Variants in CFAP46 observed in about 807,000 individuals in gnomAD.
The protein encoded by CFAP46 is cilia and flagella associated protein 46.
Under a neutral mutation model 325.7 loss-of-function variants are expected in CFAP46, and 245 were observed. The ratio of observed to expected loss-of-function variants is 0.75; its 90% CI spans 0.68 to 0.84. CFAP46 has a LOEUF of 0.84. Ranked by LOEUF, CFAP46 falls within the 40% of genes least tolerant of loss-of-function variation. The probability of loss-of-function intolerance (pLI) is 0.00; values close to 1 mark genes in which losing one functional copy is unlikely to be tolerated. For synonymous variants in CFAP46, 1,523 were observed against 1,495.9 expected, an observed-to-expected ratio of 1.02 and a Z score of -0.42; for missense variants, 3,346 against 3,543.0, an observed-to-expected ratio of 0.94 and a Z score of 1.41.
At chr10:132,899,198 G>T (rs1849359823) in intron 23 of CFAP46, 77 bp from the exon 24 acceptor site, 1 of 1,469,202 alleles carries the variant, frequency 6.8e-7, no homozygotes, top group Non-Finnish European at 9.1e-7. Flanking sequence ...GGACAGGAAG[G>T]TCGGGCGCCC....
At chr10:132,868,946 C>T (rs1291470220) in intron 33 of CFAP46, among the ~76,000 whole-genome samples, 1 of 152,212 alleles carries the variant, frequency 6.6e-6, no homozygotes, top group Non-Finnish European at 1.5e-5. Flanking sequence ...AGTGGCCTGA[C>T]CGAGCACTGC....
chr10:132,835,486 G>A (rs1848225718), intron 46 of CFAP46, 52 bp from the exon 47 acceptor site: 10 of 1,607,346 alleles, frequency 6.2e-6, no homozygotes, highest in Non-Finnish European at 8.5e-6. Context: ...GAGGATGGCA[G>A]CTGGACCGTG....
At chr10:132,932,655 C>A (rs931919455) in intron 8 of CFAP46, among the ~76,000 whole-genome samples, 1 of 130,584 alleles carries the variant, frequency 7.7e-6, no homozygotes, top group Non-Finnish European at 1.7e-5. Flanking sequence ...CCTGGGCCTT[C>A]CTACCATGCG....
intron 35 of CFAP46, among the ~76,000 whole-genome samples, chr10:132,863,762 T>G (rs1187090529): frequency 9.7e-6 from 1 of 103,262 alleles, no homozygotes. Flanking sequence ...ACACCTGTTC[T>G]CAGTGCCTGA....
chr10:132,925,727 G>C (rs549416446), intron 10 of CFAP46, among the ~76,000 whole-genome samples: 1 of 152,258 alleles, frequency 6.6e-6, no homozygotes, highest in African/African-American at 2.4e-5. Context: ...AGTCCACAGC[G>C]GCATCGGCAC....
intron 26 of CFAP46, 116 bp downstream of exon 26, chr10:132,885,700 ACCCCC>A: frequency 1.3e-6 from 1 of 768,936 alleles, no homozygotes; most frequent in Admixed American, 5.0e-5. Flanking sequence ...GGGGGAGCAC[ACCCCC>A]GGTGGGGATG....
rs151335446 is a variant in CFAP46, at chr10:132,872,281, T to G, written c.4511+395A>C. Among the ~76,000 whole-genome samples the G allele has an allele frequency of 2.6e-3, 397 of 152,324 alleles. 7 individuals are homozygous for G. In the South Asian group the frequency reaches 0.061, roughly 23 times the overall value. On this transcript the variant is annotated intron_variant, in intron 32 of 57. Transcript: ENST00000368586. ...ATCTTTTAAATTTTTAGTAACAGCA[T>G]CATGCTCTGTTGCCCAGGCTAGAGT...
At chr10:132,849,167 A>G (rs1446036991) in intron 41 of CFAP46, among the ~76,000 whole-genome samples, 1 of 152,218 alleles carries the variant, frequency 6.6e-6, no homozygotes, top group Non-Finnish European at 1.5e-5. Context: ...CACCATCAGC[A>G]GCATTCATGG....
At chr10:132,898,810 CT>C in intron 24 of CFAP46, 148 bp downstream of exon 24, 1 of 1,130,494 alleles carries the variant, frequency 8.8e-7, no homozygotes, top group Non-Finnish European at 1.3e-6. Flanking sequence ...GGAGACCCCC[CT>C]TAACCCCCTC....
chr10:132,901,747 T>C (rs775743808), intron 22 of CFAP46, among the ~76,000 whole-genome samples: 1 of 152,236 alleles, frequency 6.6e-6, no homozygotes, highest in Non-Finnish European at 1.5e-5. Context: ...TCATCTCCTC[T>C]AGCATGTCCT....
chr10:132,899,612 G>A lies in CFAP46; in HGVS notation c.2979C>T (p.Gly993=). The change falls in exon 23 of 58, where the codon GGC becomes GGT. Residue 993 remains glycine (G), a synonymous_variant. Transcript: ENST00000368586. ...EMLCTATAIQ[G]RSIMENLKGR... is the part of the protein sequence containing the mutation. ...CCTTCAGGTTTTCCATGATGCTCCT[G>A]CCCTGGATGGCCGTGGCTGTGCACA... is the stretch of plus-strand genomic sequence containing the variant. 1.3e-6 allele frequency: 2 copies of A among 1,550,206 alleles called. No homozygotes were observed. The highest frequency in any genetic ancestry group is 1.7e-6 in the Non-Finnish European group (2 of 1,146,978).
At chr10:132,941,150 GCCTGGTACCCCCTGTGTGTCA>G in intron 3 of CFAP46, 90 bp from the exon 4 acceptor site, 1 of 1,296,546 alleles carries the variant, frequency 7.7e-7, no homozygotes, top group East Asian at 2.3e-5. Context: ...CTCACGGTTG[GCCTGGTACCCCCTGTGTGTCA>G]CCTGTGTATC....
At chr10:132,826,415 A>G (rs1848052756) in intron 50 of CFAP46, among the ~76,000 whole-genome samples, 1 of 137,590 alleles carries the variant, frequency 7.3e-6, no homozygotes, top group Non-Finnish European at 1.5e-5. Context: ...GCCAGGCAGG[A>G]GCCAGAGCCA....
At chr10:132,837,551 A>T (rs367770458) in intron 44 of CFAP46, among the ~76,000 whole-genome samples, 1 of 148,774 alleles carries the variant, frequency 6.7e-6, no homozygotes, top group Non-Finnish European at 1.5e-5. Flanking sequence ...ACAGATGCGC[A>T]CACACAGACA....
chr10:132,920,803 C>G (rs1849711487), intron 13 of CFAP46, among the ~76,000 whole-genome samples: 1 of 152,228 alleles, frequency 6.6e-6, no homozygotes, highest in Admixed American at 6.5e-5. Flanking sequence ...GGGCAGGGCC[C>G]CGCAGCACCT....
intron 3 of CFAP46, 141 bp from the exon 4 acceptor site, chr10:132,941,201 G>A (rs1221824951): frequency 2.3e-5 from 19 of 833,704 alleles, no homozygotes; most frequent in Non-Finnish European, 3.7e-5. Context: ...CGGTGTGGCA[G>A]ACACAGCCTG....
intron 1 of CFAP46, 129 bp downstream of exon 1, chr10:132,942,307 G>A (rs1014815872): frequency 8.3e-6 from 7 of 841,514 alleles, no homozygotes; most frequent in African/African-American, 7.8e-5. Context: ...TGGGGGCTCC[G>A]GCTGTGGCCC....
rs1014567018 is a variant in CFAP46, at chr10:132,834,108, C to T, written c.6882G>A (p.Ala2294=). 16 of 1,613,936 alleles carry T rather than the reference C, an allele frequency of 9.9e-6. No individual in the cohort carries two copies. Among genetic ancestry groups the T allele is most frequent in the Non-Finnish European group, 1.1e-5 (13 of 1,179,992 alleles). The change falls in exon 49 of 58, where the codon GCG becomes GCA. Residue 2294 remains alanine (A), a synonymous_variant. Coordinates refer to ENST00000368586, the MANE Select transcript of CFAP46 (RefSeq NM_001200049.3). ...SLSKARVQTP[A]VVADSGKSKG... is the part of the protein sequence containing the mutation. Reference sequence around the variant, plus strand: ...TCGACTTCCCTGAATCGGCAACAACCGCAGGTGTCTGCACTCTGAAAGTCA... The same window carrying T: ...TCGACTTCCCTGAATCGGCAACAACTGCAGGTGTCTGCACTCTGAAAGTCA...
intron 40 of CFAP46, 79 bp downstream of exon 40, chr10:132,851,038 C>A: frequency 6.4e-7 from 1 of 1,555,052 alleles, no homozygotes; most frequent in Middle Eastern, 2.3e-4. Flanking sequence ...GGAGACGGCT[C>A]CTGCTGGAAC....
Sources: gnomAD v4.1 joint callset for allele counts (sites outside exome capture counted in the v4.1 genomes callset) on GRCh38, gnomAD v4.1.1 for gene constraint, MANE v1.5 for transcripts, NCBI Gene and HGNC (gene_info 2026-07-23, HGNC 2026-07-21) for gene names.